The following SHROOM3 variants were observed in gnomAD, a reference collection of about 807,000 sequenced individuals.
SHROOM3 encodes the protein protein Shroom3.
A neutral mutation model predicts 138.6 loss-of-function variants in SHROOM3; 47 were observed. The observed-to-expected ratio is 0.34, with a 90% CI of 0.27 to 0.43. The LOEUF is 0.43. Ranked by LOEUF, SHROOM3 falls within the 20% of genes least tolerant of loss-of-function variation. The probability of loss-of-function intolerance (pLI) is 1.00; values close to 1 mark genes in which losing one functional copy is unlikely to be tolerated. For synonymous variants in SHROOM3, 1,062 were observed against 1,063.3 expected (o/e 1.00, Z 0.02); for missense variants, 2,491 against 2,596.5 (o/e 0.96, Z 0.88).
At chr4:76,551,857 AATTATT>A (rs560387094) in intron 1 of SHROOM3, among the ~76,000 whole-genome samples, 15 of 151,672 alleles carry the variant, frequency 9.9e-5, no homozygotes, top group African/African-American at 3.4e-4. Context: ...GAAAAAGAAG[AATTATT>A]ATTATTATTT....
intron 2 of SHROOM3, among the ~76,000 whole-genome samples, chr4:76,651,403 T>A (rs1735956896): frequency 8.2e-5 from 1 of 12,144 alleles, no homozygotes; most frequent in Non-Finnish European, 1.4e-4. Context: ...AACCCATAAA[T>A]ATATATATAT....
At chr4:76,733,303 T>G (rs557860679) in intron 4 of SHROOM3, among the ~76,000 whole-genome samples, 79 of 152,286 alleles carry the variant, frequency 5.2e-4, no homozygotes, top group African/African-American at 1.8e-3. Context: ...CTTCCTCCTC[T>G]GCATCCCAGC....
At chr4:76,625,877 G>A (rs537526866) in intron 2 of SHROOM3, among the ~76,000 whole-genome samples, 6 of 152,156 alleles carry the variant, frequency 3.9e-5, no homozygotes, top group African/African-American at 7.2e-5. Flanking sequence ...TTTCCATCTC[G>A]CTCACTATTA....
intron 9 of SHROOM3, among the ~76,000 whole-genome samples, chr4:76,765,547 A>C (rs1234985062): frequency 3.3e-5 from 5 of 152,050 alleles, no homozygotes; most frequent in African/African-American, 1.2e-4. Flanking sequence ...ATTCCACTCT[A>C]TTCCTAAATC....
At chr4:76,458,877 C>A (rs1731085441) in intron 1 of SHROOM3, among the ~76,000 whole-genome samples, 1 of 152,136 alleles carries the variant, frequency 6.6e-6, no homozygotes, top group Non-Finnish European at 1.5e-5. Context: ...TACCATAAAC[C>A]TGCATCCTGT....
intron 2 of SHROOM3, among the ~76,000 whole-genome samples, chr4:76,591,149 G>A (rs1396992645): frequency 6.6e-6 from 1 of 152,178 alleles, no homozygotes; most frequent in Non-Finnish European, 1.5e-5. Context: ...CATGAAGCCT[G>A]GGCAGGCATG....
At chr4:76,560,862 G>A (rs142837460) in intron 2 of SHROOM3, among the ~76,000 whole-genome samples, 58 of 152,310 alleles carry the variant, frequency 3.8e-4, no homozygotes, top group African/African-American at 1.3e-3. Flanking sequence ...GTGACCTTGG[G>A]CAAGTAATTT....
At chr4:76,704,933 C>T (rs1019057550) in intron 2 of SHROOM3, among the ~76,000 whole-genome samples, 1 of 152,176 alleles carries the variant, frequency 6.6e-6, no homozygotes, top group African/African-American at 2.4e-5. Context: ...AGACACGATT[C>T]CTCCATCTCA....
chr4:76,601,812 C>G (rs946515224), intron 2 of SHROOM3, among the ~76,000 whole-genome samples: 2 of 152,148 alleles, frequency 1.3e-5, no homozygotes, highest in Non-Finnish European at 2.9e-5. Context: ...CAGCCTTACT[C>G]CTCTACTTTC....
intron 2 of SHROOM3, among the ~76,000 whole-genome samples, chr4:76,608,738 T>TAGCAC (rs1734700949): frequency 7.0e-6 from 1 of 142,032 alleles, no homozygotes; most frequent in Non-Finnish European, 1.5e-5. Flanking sequence ...CAGCATAGCA[T>TAGCAC]AGCATAGCAC....
At position 76,779,051 on chromosome 4, in the gene SHROOM3, C is replaced by T; in HGVS notation, c.5865C>T (p.Ser1955=). The change falls in exon 11 of 11, where the codon AGC becomes AGT. Residue 1955 remains serine (S), a synonymous_variant. Coordinates refer to ENST00000296043, the MANE Select transcript of SHROOM3 (RefSeq NM_020859.4). ...AGCAGGTCAAGTGTCTGCTGGAGAG[C>T]CTGCCCTCAGATTTCATTCCCAAGG... The part of the protein sequence containing the change: ...GQEQVKCLLE[S]LPSDFIPKAG... The T allele has an allele frequency of 6.2e-7, 1 of 1,614,200 alleles. No individual in the cohort carries two copies.
intron 2 of SHROOM3, among the ~76,000 whole-genome samples, chr4:76,674,272 A>AT (rs1441878967): frequency 1.3e-5 from 2 of 152,184 alleles, no homozygotes; most frequent in African/African-American, 4.8e-5. Context: ...ATTTTAAAGT[A>AT]TTTTTAATAT....
rs1730883959 is a variant in SHROOM3, at chr4:76,449,643, A to G, written c.168+13423A>G. 1.3e-5 allele frequency among the ~76,000 whole-genome samples: 2 copies of G among 152,188 alleles called. 1 individual carries two copies. Among genetic ancestry groups the G allele is most frequent in the African/African-American group, 4.8e-5 (2 of 41,436 alleles). ...TGCTTGAGTTCACTGAAGACTGACAAACAGTAGCTTCACGTGACAGCCATT... is the reference window on the plus strand; with the variant it reads ...TGCTTGAGTTCACTGAAGACTGACAGACAGTAGCTTCACGTGACAGCCATT... On this transcript the variant is annotated intron_variant, in intron 1 of 10. Transcript: ENST00000296043.
intron 1 of SHROOM3, among the ~76,000 whole-genome samples, chr4:76,503,196 CAT>C (rs1553918421): frequency 1.3e-5 from 2 of 150,766 alleles, no homozygotes; most frequent in Non-Finnish European, 1.5e-5. Context: ...CACACACACA[CAT>C]GCCTAGAGTT....
At chr4:76,490,490 C>T (rs1436334266) in intron 1 of SHROOM3, among the ~76,000 whole-genome samples, 5 of 152,008 alleles carry the variant, frequency 3.3e-5, no homozygotes, top group East Asian at 1.9e-4. Context: ...CTCCTGACCT[C>T]GTGATCTGCC....
At chr4:76,654,378 T>C (rs1170790202) in intron 2 of SHROOM3, among the ~76,000 whole-genome samples, 2 of 152,112 alleles carry the variant, frequency 1.3e-5, no homozygotes, top group African/African-American at 2.4e-5. Context: ...GGAAGTGACA[T>C]GTTTTTGTTT....
At chr4:76,571,946 G>A (rs1412447219) in intron 2 of SHROOM3, among the ~76,000 whole-genome samples, 1 of 152,092 alleles carries the variant, frequency 6.6e-6, no homozygotes, top group Non-Finnish European at 1.5e-5. Context: ...ATTTGTCTTT[G>A]TGCTCTGCTA....
chr4:76,630,924 T>C (rs556486851), intron 2 of SHROOM3, among the ~76,000 whole-genome samples: 1 of 152,354 alleles, frequency 6.6e-6, no homozygotes, highest in South Asian at 2.1e-4. Context: ...GTATAATTTG[T>C]AAACTGCTGT....
Position 76,504,356 on chromosome 4 carries a change from A to G in SHROOM3, c.169-51253A>G, listed in dbSNP as rs114215599. On this transcript the variant is annotated intron_variant, in intron 1 of 10. Transcript: ENST00000296043. ...TTGTATTTAGTGGAGACAGTGTTTT[A>G]CCACATTAGTCAGGCTGGTCGTGAA... Among the ~76,000 whole-genome samples, 806 of 152,076 alleles carry G rather than the reference A, an allele frequency of 5.3e-3. 9 individuals carry two copies. The highest frequency in any genetic ancestry group is 0.019 in the African/African-American group (776 of 41,490).
Sources: gnomAD v4.1 joint callset for allele counts (sites outside exome capture counted in the v4.1 genomes callset) on GRCh38, gnomAD v4.1.1 for gene constraint, MANE v1.5 for transcripts, NCBI Gene and HGNC (gene_info 2026-07-23, HGNC 2026-07-21) for gene names.